The following S100P variants were observed in gnomAD, a reference collection of about 807,000 sequenced individuals.
S100P encodes the protein protein S100-P.
S100P carries 7 observed loss-of-function variants against 4.7 expected under a neutral mutation model. The ratio of observed to expected loss-of-function variants is 1.48; its 90% CI spans 0.84 to 2.77. The LOEUF (loss-of-function observed/expected upper bound fraction) is 2.77. S100P is among the 30% of genes most tolerant of loss of function. S100P has a pLI of 0.00. For synonymous variants in S100P, 48 were observed against 49.0 expected, an observed-to-expected ratio of 0.98 and a Z score of 0.08; for missense variants, 122 against 120.6, an observed-to-expected ratio of 1.01 and a Z score of -0.06.
In S100P at chr4:6,693,924, T is replaced by C; in HGVS notation, c.-9T>C. The C allele has an allele frequency of 6.2e-7, 1 of 1,614,148 alleles. No homozygotes were observed. Among genetic ancestry groups the C allele is most frequent in the Non-Finnish European group, 8.5e-7 (1 of 1,180,018 alleles). ...CCCCCAGGAGGAAGGTGGGTCTGAA[T>C]CTAGCACCATGACGGAACTAGAGAC... On this transcript the variant is annotated 5_prime_UTR_variant, in exon 1 of 2. Coordinates refer to ENST00000296370, the MANE Select transcript of S100P (RefSeq NM_005980.3).
At chr4:6,696,798 G>C (rs1714382060) in intron 1 of S100P, 95 bp from the exon 2 acceptor site, 2 of 1,217,436 alleles carry the variant, frequency 1.6e-6, no homozygotes, top group Non-Finnish European at 2.3e-6. Context: ...ACGCAGATGT[G>C]GGTGCCCTGC....
In S100P at chr4:6,694,017, A is replaced by T. The variant is rs749386092; in HGVS notation, c.85A>T (p.Thr29Ser). ...SGSEGSTQTL[T>S]KGELKVLMEK... The stretch of plus-strand genomic sequence containing the variant: ...CAGCGAGGGCAGCACGCAGACCCTG[A>T]CCAAGGGGGAGCTCAAGGTGCTGAT... The change falls in exon 1 of 2, where the codon ACC becomes TCC. Residue 29 changes from threonine (T) to serine (S), a missense_variant. Physicochemically the swap from Thr to Ser is moderately conservative, Grantham distance 58. Transcript: ENST00000296370. The T allele has an allele frequency of 3.1e-5, 50 of 1,613,850 alleles. No homozygotes were observed. The South Asian group carries it at 5.2e-4, about 17-fold the overall frequency.
chr4:6,695,647 G>C (rs530653030), intron 1 of S100P, among the ~76,000 whole-genome samples: 39 of 152,170 alleles, frequency 2.6e-4, no homozygotes, highest in Non-Finnish European at 5.6e-4. Flanking sequence ...GGTGTCCTGG[G>C]AACACACTTT....
chr4:6,695,951 T>A (rs1714363950), intron 1 of S100P, among the ~76,000 whole-genome samples: 1 of 152,252 alleles, frequency 6.6e-6, no homozygotes, highest in Non-Finnish European at 1.5e-5. Context: ...TATTGTGACA[T>A]GGCCATACCA....
intron 1 of S100P, among the ~76,000 whole-genome samples, chr4:6,695,805 AGGGCT>A (rs3842013): frequency 0.26 from 39,744 of 151,890 alleles, 5,679 homozygotes; most frequent in East Asian, 0.65. Flanking sequence ...GCCTGAGGGC[AGGGCT>A]GGGCTGGGCT....
Position 6,697,136 on chromosome 4 carries a change from C to A in S100P, c.*94C>A. 1 of 958,130 alleles carries A rather than the reference C, an allele frequency of 1.0e-6. No homozygotes were observed. Among genetic ancestry groups the A allele is most frequent in the Admixed American group, 2.4e-5 (1 of 42,072 alleles). 59.4% of individuals were successfully genotyped at this position (958,130 alleles called of 1,614,324 possible). A position where few individuals can be genotyped will look rare whatever the true frequency, so the allele number is the denominator to read the frequency against. On this transcript the variant is annotated 3_prime_UTR_variant, in exon 2 of 2. Coordinates refer to ENST00000296370, the MANE Select transcript of S100P (RefSeq NM_005980.3). ...ATTATTCCCCTAGGCTGAGCCTGCT[C>A]ATGTACCTCTGATTAATAAATGCTT...
chr4:6,694,471 A>G (rs1714320390), intron 1 of S100P, among the ~76,000 whole-genome samples: 1 of 152,200 alleles, frequency 6.6e-6, no homozygotes, highest in Admixed American at 6.5e-5. Context: ...GCTGCCGGCC[A>G]TAAACGCCCC....
chr4:6,696,844 C>T (rs772914015), intron 1 of S100P, 49 bp from the exon 2 acceptor site: 6 of 1,571,230 alleles, frequency 3.8e-6, no homozygotes, highest in Non-Finnish European at 5.2e-6. Flanking sequence ...GAGGCTGAGG[C>T]CCTGCACAGG....
intron 1 of S100P, among the ~76,000 whole-genome samples, chr4:6,694,952 ATTTTC>A (rs1209773092): frequency 2.0e-4 from 30 of 147,990 alleles, no homozygotes; most frequent in South Asian, 6.5e-4. Context: ...TATTGCTTCT[ATTTTC>A]TTTTCTTTTC....
At chr4:6,695,133 T>G (rs1349261568) in intron 1 of S100P, among the ~76,000 whole-genome samples, 1 of 151,988 alleles carries the variant, frequency 6.6e-6, no homozygotes, top group Non-Finnish European at 1.5e-5. Flanking sequence ...ACCCGGTTAA[T>G]TTTTGTATTT....
intron 1 of S100P, among the ~76,000 whole-genome samples, chr4:6,696,091 G>C (rs902325236): frequency 6.6e-6 from 1 of 152,190 alleles, no homozygotes; most frequent in Admixed American, 6.5e-5. Flanking sequence ...TTTTAATTGT[G>C]TTTCTTTCCA....
chr4:6,697,097 A>G lies in S100P; in HGVS notation c.*55A>G, dbSNP rs1714391452. On this transcript the variant is annotated 3_prime_UTR_variant, in exon 2 of 2. Coordinates refer to ENST00000296370, the MANE Select transcript of S100P (RefSeq NM_005980.3). The stretch of plus-strand genomic sequence containing the variant: ...GAGCCATGGTCCCAGGCTTCCCAAA[A>G]GTGTTTGTTGGCAATTATTCCCCTA... The G allele has an allele frequency of 1.3e-6, 2 of 1,499,200 alleles. No homozygotes were observed. The highest frequency in any genetic ancestry group is 2.5e-5 in the South Asian group (2 of 81,524). 92.9% of individuals were successfully genotyped at this position (1,499,200 alleles called of 1,614,324 possible).
In S100P at chr4:6,693,988, C is replaced by G; in HGVS notation, c.56C>G (p.Ser19Trp). 6.2e-7 allele frequency: 1 copy of G among 1,614,122 alleles called. No individual in the cohort carries two copies. The highest frequency in any genetic ancestry group is 1.3e-5 in the African/African-American group (1 of 75,054). The part of the protein sequence containing the change: ...GMIIDVFSRY[S>W]GSEGSTQTLT... The stretch of plus-strand genomic sequence containing the variant: ...ATCATAGACGTCTTTTCCCGATATT[C>G]GGGCAGCGAGGGCAGCACGCAGACC... The change falls in exon 1 of 2, where the codon TCG becomes TGG. Residue 19 changes from serine to tryptophan, a missense_variant. Physicochemically the swap from Ser to Trp is radical, Grantham distance 177 (BLOSUM62 -3). Transcript: ENST00000296370.
Position 6,694,026 on chromosome 4 carries a change from G to T in S100P, c.94G>T (p.Glu32Ter). Residue 32 changes from glutamate (E) to a stop codon, truncating the protein, a stop_gained, in exon 1 of 2, where the codon GAG becomes TAG. Coordinates refer to ENST00000296370, the MANE Select transcript of S100P (RefSeq NM_005980.3). LOFTEE classifies it low-confidence loss of function (END_TRUNC). Reference protein sequence around the residue: ...EGSTQTLTKGELKVLMEKELP... With the variant: ...EGSTQTLTKG ...CAGCACGCAGACCCTGACCAAGGGG[G>T]AGCTCAAGGTGCTGATGGAGAAGGA... The T allele has an allele frequency of 6.2e-7, 1 of 1,613,950 alleles. No homozygotes were observed. Among genetic ancestry groups the T allele is most frequent in the South Asian group, 1.1e-5 (1 of 91,082 alleles).
chr4:6,695,758 T>C (rs1696997182), intron 1 of S100P, among the ~76,000 whole-genome samples: 1 of 152,194 alleles, frequency 6.6e-6, no homozygotes, highest in Non-Finnish European at 1.5e-5. Flanking sequence ...CGGAGGCTGC[T>C]GAAGCCCAGC....
intron 1 of S100P, 69 bp downstream of exon 1, chr4:6,694,139 GGCTGAGA>G: frequency 6.8e-7 from 1 of 1,464,706 alleles, no homozygotes; most frequent in South Asian, 1.3e-5. Flanking sequence ...GCAGGCAGAG[GGCTGAGA>G]GCTGCGGTGG....
chr4:6,695,790 T>C lies in S100P; in HGVS notation c.139-1103T>C, dbSNP rs111439751. Among the ~76,000 whole-genome samples, 1,340 of 148,008 alleles carry C rather than the reference T, an allele frequency of 9.1e-3. 16 individuals carry two copies. Among genetic ancestry groups the C allele is most frequent in the African/African-American group, 0.029 (1,167 of 40,386 alleles). ...CAGCAAAGCCGGAGTCAGAGAACAATGTCCGCCTGAGGGCAGGGCTGGGCT... is the reference window on the plus strand; with the variant it reads ...CAGCAAAGCCGGAGTCAGAGAACAACGTCCGCCTGAGGGCAGGGCTGGGCT... On this transcript the variant is annotated intron_variant, in intron 1 of 1. Coordinates refer to ENST00000296370, the MANE Select transcript of S100P (RefSeq NM_005980.3).
intron 1 of S100P, among the ~76,000 whole-genome samples, chr4:6,696,291 G>A (rs1301920554): frequency 2.0e-4 from 30 of 152,202 alleles, no homozygotes; most frequent in Admixed American, 2.0e-3. Flanking sequence ...AAGCAGAGAG[G>A]AAGAACAGGG....
Position 6,697,121 on chromosome 4 carries a change from T to C in S100P, c.*79T>C, listed in dbSNP as rs183911738. 454 of 1,200,580 alleles carry C rather than the reference T, an allele frequency of 3.8e-4. No homozygotes were observed. The African/African-American group carries it at 6.3e-3, about 17-fold the overall frequency. The allele number at this position is 1,200,580 out of a possible 1,614,324, so 74.4% of individuals were successfully genotyped here. A position where few individuals can be genotyped will look rare whatever the true frequency, so the allele number is the denominator to read the frequency against. On this transcript the variant is annotated 3_prime_UTR_variant, in exon 2 of 2. Coordinates refer to ENST00000296370, the MANE Select transcript of S100P (RefSeq NM_005980.3). ...AAGTGTTTGTTGGCAATTATTCCCC[T>C]AGGCTGAGCCTGCTCATGTACCTCT...
Sources: allele counts gnomAD v4.1 joint callset (sites outside exome capture counted in the v4.1 genomes callset), GRCh38; gene constraint gnomAD v4.1.1; transcripts MANE v1.5; gene names NCBI Gene and HGNC (gene_info 2026-07-23, HGNC 2026-07-21).